Variants in ACAA1 observed in about 807,000 individuals in gnomAD.
ACAA1 encodes the protein acetyl-CoA acyltransferase 1.
A neutral mutation model predicts 48.8 loss-of-function variants in ACAA1; 44 were observed. That is an observed-to-expected ratio of 0.90 (90% CI 0.71 to 1.16). ACAA1 has a LOEUF of 1.16. Ranked by LOEUF, ACAA1 falls within the 50% of genes most tolerant of loss-of-function variation. The pLI is 0.00. For synonymous variants in ACAA1, 233 were observed against 226.5 expected, an observed-to-expected ratio of 1.03 and a Z score of -0.26; for missense variants, 512 against 562.3, an observed-to-expected ratio of 0.91 and a Z score of 0.90.
At chr3:38,130,438 T>C (rs1005755216) in intron 5 of ACAA1, among the ~76,000 whole-genome samples, 11 of 152,360 alleles carry the variant, frequency 7.2e-5, no homozygotes, top group African/African-American at 2.2e-4. Context: ...AACTTATCCA[T>C]GGTGACCCAG....
At position 38,137,081 on chromosome 3, in the gene ACAA1, C is replaced by G. The variant is rs1284795997; in HGVS notation, c.-46G>C. 28 of 1,469,796 alleles carry G rather than the reference C, an allele frequency of 1.9e-5. No homozygotes were observed. Among genetic ancestry groups the G allele is most frequent in the Non-Finnish European group, 2.0e-5 (22 of 1,103,504 alleles). The allele number at this position is 1,469,796 out of a possible 1,614,324, so 91.0% of individuals were successfully genotyped here. A position where few individuals can be genotyped will look rare whatever the true frequency, so the allele number is the denominator to read the frequency against. On this transcript the variant is annotated 5_prime_UTR_variant, in exon 1 of 12. Coordinates refer to ENST00000333167, the MANE Select transcript of ACAA1 (RefSeq NM_001607.4). ...ACCAGCCACCAGTCCGGGAACTGAC[C>G]GCGGAGTTAACAGACAGCCGTCCGC...
At chr3:38,136,146 T>C (rs1700887964) in intron 2 of ACAA1, among the ~76,000 whole-genome samples, 1 of 152,210 alleles carries the variant, frequency 6.6e-6, no homozygotes, top group African/African-American at 2.4e-5. Context: ...CATGTTTCTG[T>C]GAGCACAGGG....
intron 11 of ACAA1, chr3:38,123,907 T>TGAGGCA (rs1003779677): frequency 2.7e-5 from 4 of 150,766 alleles, no homozygotes; most frequent in Non-Finnish European, 2.9e-5. Flanking sequence ...AGGCTGAGGC[T>TGAGGCA]GAGGCAGGAA....
chr3:38,125,833 G>A lies in ACAA1; in HGVS notation c.1046C>T (p.Ala349Val). Residue 349 changes from alanine (A) to valine (V), a missense_variant, in exon 10 of 12, where the codon GCA becomes GTA. Ala to Val is a moderately conservative substitution (Grantham distance 64). Coordinates refer to ENST00000333167, the MANE Select transcript of ACAA1 (RefSeq NM_001607.4). ...VDIFEINEAFASQAAYCVEKL... is the reference protein window; with the variant it reads ...VDIFEINEAFVSQAAYCVEKL... ...TGAGAAACAAGGGCTCACCTGGCTT[G>A]CAAAGGCCTCATTGATCTCGAAGAT... is the stretch of plus-strand genomic sequence containing the variant. 6.2e-7 allele frequency: 1 copy of A among 1,614,218 alleles called. No individual in the cohort carries two copies. The highest frequency in any genetic ancestry group is 1.3e-5 in the African/African-American group (1 of 75,056).
chr3:38,129,007 A>C lies in ACAA1; in HGVS notation c.545+283T>G, dbSNP rs1263795647. Among the ~76,000 whole-genome samples the C allele has an allele frequency of 6.6e-6, 1 of 152,078 alleles. No homozygotes were observed. The highest frequency in any genetic ancestry group is 1.5e-5 in the Non-Finnish European group (1 of 68,016). On this transcript the variant is annotated intron_variant, in intron 6 of 11. Transcript: ENST00000333167. The surrounding 1 kb of genome is among the most constrained non-coding windows in gnomAD (Gnocchi z 5.3). ...ACTTTCTAGGCCCCCAAGGCTTTGGAGTGGAGCTACCATTGTCCTTCCTAT... is the reference window on the plus strand; with the variant it reads ...ACTTTCTAGGCCCCCAAGGCTTTGGCGTGGAGCTACCATTGTCCTTCCTAT...
intron 11 of ACAA1, chr3:38,124,631 C>T (rs1700636709): frequency 1.3e-5 from 2 of 152,176 alleles, no homozygotes; most frequent in Non-Finnish European, 2.9e-5. Context: ...TGATGGGTCA[C>T]CACTGCACAA....
rs903419026 is a variant in ACAA1 at position 38,136,467 on chromosome 3, A to G, written c.265+125T>C. 4.3e-6 allele frequency: 4 copies of G among 928,474 alleles called. No homozygotes were observed. The African/African-American group carries it at 6.5e-5, about 15-fold the overall frequency. The allele number at this position is 928,474 out of a possible 1,614,324, so 57.5% of individuals were successfully genotyped here. ...ATACCCACAGGTGTGAAGGGGCAGG[A>G]CCCCTTCAAAGGTCAAGGCCATGGA... On this transcript the variant is annotated intron_variant, in intron 2 of 11. Coordinates refer to ENST00000333167, the MANE Select transcript of ACAA1 (RefSeq NM_001607.4).
intron 11 of ACAA1, chr3:38,125,362 C>T (rs1408194578): frequency 2.1e-6 from 1 of 472,626 alleles, no homozygotes; most frequent in African/African-American, 2.0e-5. Flanking sequence ...TGTAACTGAA[C>T]AATCAAGATA....
chr3:38,137,009 G>T lies in ACAA1; in HGVS notation c.27C>A (p.Gly9=), dbSNP rs531794979. MQRLQVVL[G]HLRGPADSGW... is the part of the protein sequence containing the mutation. ...CGGAATCGGCCGGACCCCTCAGGTG[G>T]CCCAGCACTACCTGCAGCCTCTGCA... Residue 9 remains glycine (G), a synonymous_variant, in exon 1 of 12, where the codon GGC becomes GGA. Coordinates refer to ENST00000333167, the MANE Select transcript of ACAA1 (RefSeq NM_001607.4). 6.4e-7 allele frequency: 1 copy of T among 1,566,882 alleles called. No homozygotes were observed. The highest frequency in any genetic ancestry group is 1.9e-5 in the Admixed American group (1 of 53,726).
Position 38,136,607 on chromosome 3 carries a change from C to T in ACAA1, c.250G>A (p.Gly84Arg). 5.0e-6 allele frequency: 8 copies of T among 1,614,068 alleles called. No homozygotes were observed. The highest frequency in any genetic ancestry group is 6.8e-6 in the Non-Finnish European group (8 of 1,180,002). The change falls in exon 2 of 12, where the codon GGG becomes AGG. Residue 84 changes from glycine (G) to arginine (R), a missense_variant. By Grantham distance (125) the Gly-to-Arg change is moderately radical (BLOSUM62 -2). Transcript: ENST00000333167. ...GTTCGCTCACCGACACAGATGTCCC[C>T]CAGCTGTTCCGGCCTCAGATTCACG... is the stretch of plus-strand genomic sequence containing the variant. ...KDVNLRPEQL[G>R]DICVGNVLQP... is the part of the protein sequence containing the mutation.
intron 6 of ACAA1, 140 bp from the exon 7 acceptor site, chr3:38,128,006 C>T: frequency 1.3e-6 from 1 of 766,754 alleles, no homozygotes; most frequent in South Asian, 1.5e-5. Context: ...ATGCCACAGA[C>T]AGTAGTGATG....
At chr3:38,123,451 G>C in intron 11 of ACAA1, 1 of 222,788 alleles carries the variant, frequency 4.5e-6, no homozygotes, top group Non-Finnish European at 8.8e-6. Context: ...CATCCCAAAT[G>C]TTGAAATCCT....
intron 7 of ACAA1, chr3:38,127,542 G>A: frequency 1.8e-6 from 1 of 557,434 alleles, no homozygotes; most frequent in Non-Finnish European, 3.2e-6. Flanking sequence ...AATAACAGAG[G>A]GGGAAACTGA....
At chr3:38,131,807 C>A in intron 4 of ACAA1, 119 bp downstream of exon 4, 1 of 1,226,366 alleles carries the variant, frequency 8.2e-7, no homozygotes. Flanking sequence ...GGCGCTCCTG[C>A]ACTCTTTCTG....
Position 38,137,099 on chromosome 3 carries a change from C to A in ACAA1, c.-64G>T. On this transcript the variant is annotated 5_prime_UTR_variant, in exon 1 of 12. Transcript: ENST00000333167. ...AACTGACCGCGGAGTTAACAGACAGCCGTCCGCACACGCGCAGAACCACAT... is the reference window on the plus strand; with the variant it reads ...AACTGACCGCGGAGTTAACAGACAGACGTCCGCACACGCGCAGAACCACAT... The A allele has an allele frequency of 7.5e-7, 1 of 1,329,988 alleles. No homozygotes were observed. Among genetic ancestry groups the A allele is most frequent in the East Asian group, 2.9e-5 (1 of 34,032 alleles). The allele number at this position is 1,329,988 out of a possible 1,614,324, so 82.4% of individuals were successfully genotyped here. A position where few individuals can be genotyped will look rare whatever the true frequency, so the allele number is the denominator to read the frequency against.
rs544509937 is a variant in ACAA1, at chr3:38,127,776, C to G, written c.626+10G>C. ...AGCCCTTTAAACATTCCTCCCCAAT[C>G]AGCACTCACTTCTGCTGGGAAGCCA... On this transcript the variant is annotated intron_variant, in intron 7 of 11. Transcript: ENST00000333167. 1 of 1,613,716 alleles carries G rather than the reference C, an allele frequency of 6.2e-7. No homozygotes were observed. The highest frequency in any genetic ancestry group is 8.5e-7 in the Non-Finnish European group (1 of 1,179,602).
chr3:38,127,824 C>G lies in ACAA1; in HGVS notation c.588G>C (p.Arg196=), dbSNP rs765911750. The G allele has an allele frequency of 5.6e-6, 9 of 1,613,996 alleles. No individual in the cohort carries two copies. The highest frequency in any genetic ancestry group is 7.6e-6 in the Non-Finnish European group (9 of 1,180,018). The change falls in exon 7 of 12, where the codon CGG becomes CGC. Residue 196 remains arginine (R), a synonymous_variant. Coordinates refer to ENST00000333167, the MANE Select transcript of ACAA1 (RefSeq NM_001607.4). ...CCAGGGCAAAGGTATCCTGCTTCTC[C>G]CGTGAAATGCCAAACCGCTCAGCCA... ...ENVAERFGIS[R]EKQDTFALAS...
In ACAA1 at chr3:38,126,304, G is replaced by A; in HGVS notation, c.855C>T (p.Ile285=). The change falls in exon 9 of 12, where the codon ATC becomes ATT. Residue 285 remains isoleucine (I), a synonymous_variant. Transcript: ENST00000333167. The surrounding 1 kb of genome is among the most constrained non-coding windows in gnomAD (Gnocchi z 4.7). ...SSQVSDGAAA[I]LLARRSKAEE... is the part of the protein sequence containing the mutation. The stretch of plus-strand genomic sequence containing the variant: ...CTGCCTTGGACCTCCGGGCCAGCAG[G>A]ATGGCAGCTGCCCCATCACTCACCT... 1 of 1,614,122 alleles carries A rather than the reference G, an allele frequency of 6.2e-7. No individual in the cohort carries two copies. The highest frequency in any genetic ancestry group is 8.5e-7 in the Non-Finnish European group (1 of 1,179,996).
At chr3:38,130,023 G>A (rs1700755164) in intron 5 of ACAA1, among the ~76,000 whole-genome samples, 1 of 152,174 alleles carries the variant, frequency 6.6e-6, no homozygotes, top group African/African-American at 2.4e-5. Flanking sequence ...CTGGGCGACA[G>A]AGCGAGACTC....
Sources: allele counts gnomAD v4.1 joint callset (sites outside exome capture counted in the v4.1 genomes callset), GRCh38; gene constraint gnomAD v4.1.1; non-coding constraint Gnocchi (gnomAD v3.1); transcripts MANE v1.5; gene names NCBI Gene and HGNC (gene_info 2026-07-23, HGNC 2026-07-21).